B4GALNT3: variants seen among roughly 807,000 people sequenced by gnomAD.
B4GALNT3 encodes the protein beta-1,4-N-acetyl-galactosaminyltransferase 3.
In B4GALNT3, 86 loss-of-function variants were observed where a neutral mutation model predicts 120.2. That is an observed-to-expected ratio of 0.72 (90% CI 0.60 to 0.86). The LOEUF is 0.86. Among genes scored for constraint, B4GALNT3 ranks in the 40% least tolerant of loss-of-function variants. The pLI is 0.00. For synonymous variants in B4GALNT3, 518 were observed against 510.4 expected, an observed-to-expected ratio of 1.01 and a Z score of -0.20; for missense variants, 1,167 against 1,298.9, an observed-to-expected ratio of 0.90 and a Z score of 1.56.
At chr12:543,259 A>T in intron 3 of B4GALNT3, 1 of 1,221,150 alleles carries the variant, frequency 8.2e-7, no homozygotes, top group Non-Finnish European at 1.1e-6. Flanking sequence ...AGTGGGCCGG[A>T]CCCGCACAGT....
In B4GALNT3 at chr12:460,581, GT is replaced by G; in HGVS notation, c.169+37del. On this transcript the variant is annotated intron_variant, in intron 1 of 19. Coordinates refer to ENST00000266383, the MANE Select transcript of B4GALNT3 (RefSeq NM_173593.4). This position sits in a 1 kb window ranked among gnomAD's most constrained non-coding sequence, Gnocchi z 8.0. ...CCCAGGGGAGGCGAAGGGCGCGGGGGTGGGCGGCGGCGGCGGCTCCTGCGTT... is the reference window on the plus strand; with the variant it reads ...CCCAGGGGAGGCGAAGGGCGCGGGGGGGGCGGCGGCGGCGGCTCCTGCGTT... 1 of 1,346,268 alleles carries G rather than the reference GT, an allele frequency of 7.4e-7. No homozygotes were observed. The allele number at this position is 1,346,268 out of a possible 1,614,324, so 83.4% of individuals were successfully genotyped here. A position where few individuals can be genotyped will look rare whatever the true frequency, so the allele number is the denominator to read the frequency against.
intron 1 of B4GALNT3, among the ~76,000 whole-genome samples, chr12:491,033 G>T (rs986417342): frequency 6.6e-6 from 1 of 152,088 alleles, no homozygotes; most frequent in Non-Finnish European, 1.5e-5. Context: ...ATTCTATGAG[G>T]CCAGCATTAC....
At chr12:551,372 G>T (rs1037370544) in intron 11 of B4GALNT3, among the ~76,000 whole-genome samples, 1 of 152,196 alleles carries the variant, frequency 6.6e-6, no homozygotes, top group South Asian at 2.1e-4. Context: ...GGTCAGTCCC[G>T]CCAGCTAGTG....
chr12:556,638 C>T lies in B4GALNT3; in HGVS notation c.2152C>T (p.Gln718Ter). The T allele has an allele frequency of 6.2e-7, 1 of 1,614,076 alleles. No individual in the cohort carries two copies. The highest frequency in any genetic ancestry group is 1.1e-5 in the South Asian group (1 of 91,082). Residue 718 changes from glutamine to a stop codon, truncating the protein, a stop_gained, in exon 15 of 20, where the codon CAA (glutamine) becomes TAA (stop). Coordinates refer to ENST00000266383, the MANE Select transcript of B4GALNT3 (RefSeq NM_173593.4). LOFTEE classifies it high-confidence loss of function. ...RYLLELELLEQGQRVVRLSEY... is the reference protein window; with the variant it reads ...RYLLELELLE ...CCTCCTGGAGCTTGAACTGTTGGAA[C>T]AAGGCCAGCGCGTGGTGCGGCTCTC...
chr12:559,303 G>C lies in B4GALNT3; in HGVS notation c.2770G>C (p.Glu924Gln). 6.2e-7 allele frequency: 1 copy of C among 1,614,020 alleles called. No individual in the cohort carries two copies. Among genetic ancestry groups the C allele is most frequent in the Non-Finnish European group, 8.5e-7 (1 of 1,179,934 alleles). ...CTCCTGTCTGTCCACAGGCTACTGG[G>C]AGGTGAATGGGTTCGGGCTGCTTGG... ...ATPQWPEGYW[E>Q]VNGFGLLGIY... Residue 924 changes from glutamate (E) to glutamine (Q), a missense_variant, in exon 19 of 20, where the codon GAG (glutamate) becomes CAG (glutamine). Glu to Gln is a conservative substitution (Grantham distance 29). Coordinates refer to ENST00000266383, the MANE Select transcript of B4GALNT3 (RefSeq NM_173593.4).
chr12:530,396 GCT>G (rs1273145795), intron 1 of B4GALNT3, among the ~76,000 whole-genome samples: 1 of 152,232 alleles, frequency 6.6e-6, no homozygotes, highest in Non-Finnish European at 1.5e-5. Flanking sequence ...GAGTTGGGAG[GCT>G]CAGGCCTGCA....
At chr12:471,393 A>AATAC (rs1395203361) in intron 1 of B4GALNT3, among the ~76,000 whole-genome samples, 1 of 122,016 alleles carries the variant, frequency 8.2e-6, no homozygotes, top group Non-Finnish European at 1.6e-5. Context: ...TCAATAAATA[A>AATAC]ATAAATAAAT....
chr12:554,647 A>G lies in B4GALNT3; in HGVS notation c.2060+664A>G, dbSNP rs374625769. ...CTACTAAAAATACAAAAAATTAGCC[A>G]GGCATAGTGGCGGGCGCCTGTAGTC... On this transcript the variant is annotated intron_variant, in intron 14 of 19. Coordinates refer to ENST00000266383, the MANE Select transcript of B4GALNT3 (RefSeq NM_173593.4). Among the ~76,000 whole-genome samples, 150 of 151,192 alleles carry G rather than the reference A, an allele frequency of 9.9e-4. No homozygotes were observed. In the East Asian group the frequency reaches 0.012, roughly 12 times the overall value.
rs183390553 is a variant in B4GALNT3, at chr12:478,432, C to T, written c.169+17887C>T. 3.9e-5 allele frequency among the ~76,000 whole-genome samples: 6 copies of T among 152,202 alleles called. No individual in the cohort carries two copies. The East Asian group carries it at 1.2e-3, about 29-fold the overall frequency. On this transcript the variant is annotated intron_variant, in intron 1 of 19. Coordinates refer to ENST00000266383, the MANE Select transcript of B4GALNT3 (RefSeq NM_173593.4). Reference sequence around the variant, plus strand: ...AGGTTGCTTAGGAAATACCACCTGTCTGTTTTAGGGAAGTATTTATTGATT... The same window carrying T: ...AGGTTGCTTAGGAAATACCACCTGTTTGTTTTAGGGAAGTATTTATTGATT...
chr12:482,164 T>C (rs1484070849), intron 1 of B4GALNT3, among the ~76,000 whole-genome samples: 1 of 152,146 alleles, frequency 6.6e-6, no homozygotes, highest in Admixed American at 6.5e-5. Flanking sequence ...AGGTTTGTGG[T>C]TGGATGTTGC....
chr12:541,027 G>A (rs553694888), intron 3 of B4GALNT3, among the ~76,000 whole-genome samples: 18 of 152,354 alleles, frequency 1.2e-4, no homozygotes, highest in African/African-American at 4.1e-4. Context: ...ACAGGCGTGA[G>A]CCACCGTGCC....
chr12:542,185 C>A (rs966082759), intron 3 of B4GALNT3, among the ~76,000 whole-genome samples: 6 of 152,176 alleles, frequency 3.9e-5, no homozygotes, highest in Non-Finnish European at 5.9e-5. Flanking sequence ...ATTGACCAGG[C>A]CAGTGTGCCC....
intron 1 of B4GALNT3, among the ~76,000 whole-genome samples, chr12:479,995 G>C (rs1483306273): frequency 6.9e-6 from 1 of 144,256 alleles, no homozygotes; most frequent in Non-Finnish European, 1.5e-5. Context: ...CTCACTGCAA[G>C]CTCCACCTCC....
rs377460289 is a variant in B4GALNT3, at chr12:553,312, G to A, written c.1389G>A (p.Leu463=). The A allele has an allele frequency of 1.2e-6, 2 of 1,613,676 alleles. No homozygotes were observed. Among genetic ancestry groups the A allele is most frequent in the Non-Finnish European group, 8.5e-7 (1 of 1,180,026 alleles). The part of the protein sequence containing the change: ...LEGRQTPAST[L]EQDATDYRLR... ...GAAGACAGACACCTGCCTCCACCCT[G>A]GAGCAAGATGCCACTGACTACCGCC... Residue 463 remains leucine, a synonymous_variant, in exon 14 of 20, where the codon CTG becomes CTA. Coordinates refer to ENST00000266383, the MANE Select transcript of B4GALNT3 (RefSeq NM_173593.4).
chr12:486,803 G>A (rs1425905586), intron 1 of B4GALNT3, among the ~76,000 whole-genome samples: 3 of 150,404 alleles, frequency 2.0e-5, no homozygotes, highest in African/African-American at 2.5e-5. Context: ...AAAAAGTTAC[G>A]AGGCATACTA....
chr12:484,429 A>T (rs1169751805), intron 1 of B4GALNT3, among the ~76,000 whole-genome samples: 1 of 152,184 alleles, frequency 6.6e-6, no homozygotes, highest in East Asian at 1.9e-4. Context: ...GAGCTTTCAC[A>T]GTGGTTCTCG....
chr12:530,726 A>G (rs1236313652), intron 1 of B4GALNT3, among the ~76,000 whole-genome samples: 3 of 152,216 alleles, frequency 2.0e-5, no homozygotes, highest in Non-Finnish European at 2.9e-5. Context: ...GAAATAACAT[A>G]TGCGAGAGTC....
intron 4 of B4GALNT3, 24 bp downstream of exon 4, chr12:544,458 C>T: frequency 1.9e-6 from 3 of 1,598,378 alleles, no homozygotes; most frequent in Non-Finnish European, 8.6e-7. Context: ...GGCTGCCTTG[C>T]CCACCTCCCT....
At chr12:488,804 A>G (rs1015601524) in intron 1 of B4GALNT3, among the ~76,000 whole-genome samples, 5 of 152,076 alleles carry the variant, frequency 3.3e-5, no homozygotes, top group African/African-American at 1.2e-4. Context: ...TAGGGAACAG[A>G]GTGAAACCCT....
Sources: gnomAD v4.1 joint callset for allele counts (sites outside exome capture counted in the v4.1 genomes callset) on GRCh38, gnomAD v4.1.1 for gene constraint, Gnocchi (gnomAD v3.1) non-coding constraint, MANE v1.5 for transcripts, NCBI Gene and HGNC (gene_info 2026-07-23, HGNC 2026-07-21) for gene names.